WDHD1: variants seen among roughly 807,000 people sequenced by gnomAD.
The protein encoded by WDHD1 is WD repeat and HMG-box DNA-binding protein 1.
A neutral mutation model predicts 135.4 loss-of-function variants in WDHD1; 111 were observed. That is an observed-to-expected ratio of 0.82 (90% confidence interval 0.70 to 0.96). WDHD1 has a LOEUF of 0.96. WDHD1 is among the 40% of genes least tolerant of loss of function. WDHD1 has a pLI of 0.00. For missense variants in WDHD1, 1,351 were observed against 1,336.3 expected, an observed-to-expected ratio of 1.01 and a Z score of -0.17; for synonymous variants, 434 against 439.0, an observed-to-expected ratio of 0.99 and a Z score of 0.14.
chr14:54,967,138 C>A, intron 17 of WDHD1, 142 bp downstream of exon 17: 1 of 634,412 alleles, frequency 1.6e-6, no homozygotes. Flanking sequence ...CCCAAGCAGT[C>A]CTCTTCCCTC....
Position 54,984,752 on chromosome 14 carries a change from T to C in WDHD1, c.1877A>G (p.Tyr626Cys), listed in dbSNP as rs1392052680. 5 of 1,613,574 alleles carry C rather than the reference T, an allele frequency of 3.1e-6. No individual in the cohort carries two copies. The highest frequency in any genetic ancestry group is 2.2e-5 in the East Asian group (1 of 44,858). The change falls in exon 15 of 26, where the codon TAC becomes TGC. Residue 626 changes from tyrosine to cysteine, a missense_variant. Physicochemically the swap from Tyr to Cys is radical, Grantham distance 194. Transcript: ENST00000360586. ...AGCTGAAAACCCAATCCATGCAAGG[T>C]AGGATTTCCTTGTAAGAGGAAGAGG... is the stretch of plus-strand genomic sequence containing the variant. ...GDPLPLTRKS[Y>C]LAWIGFSAEG...
chr14:55,015,701 T>C (rs1594592183), intron 2 of WDHD1, among the ~76,000 whole-genome samples: 1 of 143,444 alleles, frequency 7.0e-6, no homozygotes, highest in Non-Finnish European at 1.5e-5. Context: ...CCAATGGAAT[T>C]TTTTTTTTTT....
At chr14:54,999,589 T>C (rs1402254965) in intron 10 of WDHD1, among the ~76,000 whole-genome samples, 1 of 152,192 alleles carries the variant, frequency 6.6e-6, no homozygotes, top group Admixed American at 6.5e-5. Flanking sequence ...TTCTATTTTC[T>C]AGCCTCCACT....
rs115324363 is a variant in WDHD1 at position 54,967,039 on chromosome 14, T to C, written c.2178+241A>G. Among the ~76,000 whole-genome samples the C allele has an allele frequency of 3.7e-3, 568 of 152,340 alleles. 5 individuals are homozygous for C. Among genetic ancestry groups the C allele is most frequent in the African/African-American group, 0.013 (541 of 41,578 alleles). On this transcript the variant is annotated intron_variant, in intron 17 of 25. Coordinates refer to ENST00000360586, the MANE Select transcript of WDHD1 (RefSeq NM_007086.4). The stretch of plus-strand genomic sequence containing the variant: ...ACATGCCCCATCCTGAGAGTAAGTC[T>C]TTCCCCAGTGGGTCTCTGACAGTCA...
At chr14:54,981,827 A>T (rs2041623106) in intron 15 of WDHD1, 131 bp from the exon 16 acceptor site, 1 of 505,030 alleles carries the variant, frequency 2.0e-6, no homozygotes, top group African/African-American at 2.0e-5. Context: ...GAAGCAAATA[A>T]TCTAAGATTA....
chr14:54,971,712 CAAAAAAAAAAAA>C (rs1195129802), intron 16 of WDHD1, among the ~76,000 whole-genome samples: 4 of 42,278 alleles, frequency 9.5e-5, no homozygotes, highest in African/African-American at 2.7e-4. Context: ...GACTCTGCCT[CAAAAAAAAAAAA>C]AAAAAAAAAA....
At chr14:54,968,893 T>A (rs2041386508) in intron 16 of WDHD1, among the ~76,000 whole-genome samples, 1 of 152,046 alleles carries the variant, frequency 6.6e-6, no homozygotes, top group Admixed American at 6.6e-5. Flanking sequence ...TTTTTAAAGA[T>A]TAGCCAGGTG....
chr14:54,944,922 A>G (rs911712931), intron 24 of WDHD1, among the ~76,000 whole-genome samples: 2 of 151,976 alleles, frequency 1.3e-5, no homozygotes, highest in African/African-American at 4.8e-5. Context: ...ATTACTTTAA[A>G]CTGCCTGGAG....
chr14:54,978,259 G>A lies in WDHD1; in HGVS notation c.2063+3281C>T, dbSNP rs965595557. Among the ~76,000 whole-genome samples, 4 of 152,164 alleles carry A rather than the reference G, an allele frequency of 2.6e-5. No individual in the cohort carries two copies. In the South Asian group the frequency reaches 8.3e-4, roughly 32 times the overall value. On this transcript the variant is annotated intron_variant, in intron 16 of 25. Coordinates refer to ENST00000360586, the MANE Select transcript of WDHD1 (RefSeq NM_007086.4). ...GAAAATGGACATGCAAGAAATCACT[G>A]AGAACAACCTACACTATAAGAACTA...
chr14:55,004,937 G>C, intron 7 of WDHD1: 1 of 534,214 alleles, frequency 1.9e-6, no homozygotes, highest in Non-Finnish European at 3.7e-6. Context: ...TAGGCACAGA[G>C]GGCACCTGCA....
intron 24 of WDHD1, among the ~76,000 whole-genome samples, chr14:54,952,480 A>G (rs1201725890): frequency 6.6e-6 from 1 of 152,370 alleles, no homozygotes; most frequent in Non-Finnish European, 1.5e-5. Flanking sequence ...CCACTGCTCA[A>G]TGAAATAAAA....
chr14:54,987,809 T>G (rs567599343), intron 13 of WDHD1, among the ~76,000 whole-genome samples: 1 of 152,230 alleles, frequency 6.6e-6, no homozygotes, highest in South Asian at 2.1e-4. Context: ...GCATTTTTAG[T>G]AGAGATGCAG....
chr14:54,981,607 C>G lies in WDHD1; in HGVS notation c.1996G>C (p.Glu666Gln). The stretch of plus-strand genomic sequence containing the variant: ...TGATCAGATTTTCCTTTGCAGTGCT[C>G]TCTTGTATTACATATAGGAGTCCAC... ...NTWTPICNTR[E>Q]HCKGKSDHYW... Residue 666 changes from glutamate (E) to glutamine (Q), a missense_variant, in exon 16 of 26, where the codon GAG becomes CAG. Around this residue, in one of 2 missense-constraint regions of WDHD1, gnomAD observed 1,330 missense variants for 1,296.1 expected, o/e 1.03. Coordinates refer to ENST00000360586, the MANE Select transcript of WDHD1 (RefSeq NM_007086.4). The G allele has an allele frequency of 6.2e-7, 1 of 1,613,554 alleles. No homozygotes were observed.
At chr14:54,998,877 C>T (rs2041933323) in intron 10 of WDHD1, among the ~76,000 whole-genome samples, 2 of 151,842 alleles carry the variant, frequency 1.3e-5, no homozygotes, top group South Asian at 2.1e-4. Flanking sequence ...TAATAGCCAA[C>T]ACTTATAAAG....
chr14:54,978,279 G>T (rs1170557132), intron 16 of WDHD1, among the ~76,000 whole-genome samples: 1 of 152,038 alleles, frequency 6.6e-6, no homozygotes, highest in East Asian at 1.9e-4. Context: ...TACACTATAA[G>T]AACTACTAAA....
In WDHD1 at chr14:54,941,331, T is replaced by C. The variant is rs1248440612; in HGVS notation, c.*159A>G. 1 of 569,080 alleles carries C rather than the reference T, an allele frequency of 1.8e-6. No individual in the cohort carries two copies. The highest frequency in any genetic ancestry group is 3.6e-5 in the Admixed American group (1 of 27,634). The allele number at this position is 569,080 out of a possible 1,614,324, so 35.3% of individuals were successfully genotyped here. A position where few individuals can be genotyped will look rare whatever the true frequency, so the allele number is the denominator to read the frequency against. On this transcript the variant is annotated 3_prime_UTR_variant, in exon 26 of 26. Coordinates refer to ENST00000360586, the MANE Select transcript of WDHD1 (RefSeq NM_007086.4). ...ATGATAGTTTTTACATATGTCCTGT[T>C]ACCTACACCAATATAATTACTACAT...
intron 16 of WDHD1, among the ~76,000 whole-genome samples, chr14:54,976,138 G>T (rs750719421): frequency 1.3e-5 from 2 of 152,304 alleles, no homozygotes; most frequent in Non-Finnish European, 2.9e-5. Context: ...GGCCACATTG[G>T]CTTTCCAGAG....
At chr14:54,980,050 C>T (rs2041591890) in intron 16 of WDHD1, among the ~76,000 whole-genome samples, 1 of 152,280 alleles carries the variant, frequency 6.6e-6, no homozygotes, top group South Asian at 2.1e-4. Context: ...TTCAGCCAGG[C>T]ACAGTGGCTC....
intron 24 of WDHD1, among the ~76,000 whole-genome samples, chr14:54,949,948 G>T (rs2041012464): frequency 6.6e-6 from 1 of 152,150 alleles, no homozygotes; most frequent in African/African-American, 2.4e-5. Flanking sequence ...AATGCTGAGA[G>T]ATTTTGTCAC....
Sources: gnomAD v4.1 joint callset for allele counts (sites outside exome capture counted in the v4.1 genomes callset) on GRCh38, gnomAD v4.1.1 for gene constraint, gnomAD v4.1.1 regional missense constraint, MANE v1.5 for transcripts, NCBI Gene and HGNC (gene_info 2026-07-23, HGNC 2026-07-21) for gene names.